Variants in MAP3K15 observed in about 807,000 individuals in gnomAD.
The protein encoded by MAP3K15 is MAPK/ERK kinase kinase 15.
Under a neutral mutation model 99.5 loss-of-function variants are expected in MAP3K15, and 124 were observed. That is an observed-to-expected ratio of 1.25 (90% CI 1.08 to 1.45). The LOEUF (loss-of-function observed/expected upper bound fraction) is 1.45. Ranked by LOEUF, MAP3K15 falls within the 40% of genes most tolerant of loss-of-function variation. The probability of loss-of-function intolerance (pLI) is 0.00; values close to 1 mark genes in which losing one functional copy is unlikely to be tolerated. For synonymous variants in MAP3K15, 494 were observed against 439.6 expected (o/e 1.12, Z -1.55); for missense variants, 1,242 against 1,079.7 (o/e 1.15, Z -2.11).
At chrX:19,369,702 G>A (rs1444821405) in intron 24 of MAP3K15, among the ~76,000 whole-genome samples, 5 of 111,315 alleles carry the variant, frequency 4.5e-5, no homozygotes, top group Non-Finnish European at 9.4e-5. Flanking sequence ...AGATCACAAG[G>A]TCAAGAGATC....
intron 3 of MAP3K15, among the ~76,000 whole-genome samples, chrX:19,480,361 C>T (rs1223979063): frequency 2.7e-5 from 3 of 110,883 alleles, no homozygotes; most frequent in South Asian, 3.8e-4. Context: ...TTAGAGGATT[C>T]GCACTTCCAA....
chrX:19,410,081 G>T, intron 11 of MAP3K15, 108 bp from the exon 12 acceptor site: 1 of 607,518 alleles, frequency 1.6e-6, no homozygotes, highest in Non-Finnish European at 2.7e-6. Flanking sequence ...CTGCAGTGGT[G>T]ATTTTTTTAC....
chrX:19,425,071 C>G (rs757265690), intron 9 of MAP3K15, among the ~76,000 whole-genome samples: 2 of 111,715 alleles, frequency 1.8e-5, no homozygotes, highest in Non-Finnish European at 3.8e-5. Flanking sequence ...ACTTCCACAT[C>G]TCCAAACATT....
intron 16 of MAP3K15, 112 bp downstream of exon 16, chrX:19,394,969 G>A (rs11798487): frequency 5.3e-5 from 47 of 895,233 alleles, no homozygotes; most frequent in Middle Eastern, 3.3e-4. Context: ...GACTACAGGC[G>A]CCCTACAGGC....
intron 20 of MAP3K15, 87 bp from the exon 21 acceptor site, chrX:19,373,782 T>TGAACCGCCCAGGC (rs1251591197): frequency 2.0e-6 from 2 of 1,011,265 alleles, no homozygotes; most frequent in African/African-American, 3.8e-5. Flanking sequence ...CAAGCCCAGG[T>TGAACCGCCCAGGC]GAACCGCCCA....
chrX:19,468,094 C>T (rs1476436126), intron 3 of MAP3K15, among the ~76,000 whole-genome samples: 1 of 111,884 alleles, frequency 8.9e-6, no homozygotes, highest in Non-Finnish European at 1.9e-5. Context: ...AGAACTGCAG[C>T]TCTTCACAAG....
intron 3 of MAP3K15, among the ~76,000 whole-genome samples, chrX:19,481,136 G>A (rs1289552134): frequency 5.6e-4 from 32 of 57,033 alleles, no homozygotes; most frequent in African/African-American, 1.9e-3. Flanking sequence ...AAAAAAAAAA[G>A]TTTTAAACCA....
Position 19,398,246 on chromosome X carries a change from T to A in MAP3K15, c.2046A>T (p.Glu682Asp), listed in dbSNP as rs761289293. The change falls in exon 15 of 29, where the codon GAA becomes GAT. Residue 682 changes from glutamate to aspartate, a missense_variant. By Grantham distance (45) the Glu-to-Asp change is conservative. Transcript: ENST00000338883. Reference sequence around the variant, plus strand: ...CTTGCCTGCTATCTCTCTCCGGGATTTCTTTGATGGCTATTCGCACTTGAT... The same window carrying A: ...CTTGCCTGCTATCTCTCTCCGGGATATCTTTGATGGCTATTCGCACTTGAT... ...LSNQVRIAIK[E>D]IPERDSRYSQ... 3 of 1,211,058 alleles carry A rather than the reference T, an allele frequency of 2.5e-6. No homozygotes were observed. Among genetic ancestry groups the A allele is most frequent in the Non-Finnish European group, 3.4e-6 (3 of 895,352 alleles).
At chrX:19,437,105 C>CA (rs1387412763) in intron 6 of MAP3K15, among the ~76,000 whole-genome samples, 3 of 112,056 alleles carry the variant, frequency 2.7e-5, no homozygotes, top group Non-Finnish European at 5.6e-5. Flanking sequence ...GTTCCTCTAA[C>CA]ACCATTTATT....
intron 3 of MAP3K15, among the ~76,000 whole-genome samples, chrX:19,472,121 G>A (rs1042458173): frequency 4.0e-4 from 44 of 109,927 alleles, no homozygotes; most frequent in African/African-American, 1.4e-3. Flanking sequence ...CTACTCCGGA[G>A]GCTGAGGGAG....
chrX:19,414,527 A>G (rs1281596446), intron 10 of MAP3K15, among the ~76,000 whole-genome samples: 4 of 112,454 alleles, frequency 3.6e-5, no homozygotes, highest in African/African-American at 1.3e-4. Flanking sequence ...CATGACTCTA[A>G]GACGGTCATA....
At chrX:19,438,590 A>C (rs1468890729) in intron 6 of MAP3K15, among the ~76,000 whole-genome samples, 1 of 111,793 alleles carries the variant, frequency 8.9e-6, no homozygotes, top group Non-Finnish European at 1.9e-5. Context: ...CATTGCCATG[A>C]GCTATGGGTG....
At chrX:19,371,932 A>T (rs1486063131) in intron 22 of MAP3K15, among the ~76,000 whole-genome samples, 3 of 110,957 alleles carry the variant, frequency 2.7e-5, no homozygotes, top group Non-Finnish European at 3.8e-5. Context: ...CAGGAGTTCA[A>T]GACCAGCCTG....
At chrX:19,509,019 C>T (rs1602360310) in intron 1 of MAP3K15, among the ~76,000 whole-genome samples, 1 of 112,134 alleles carries the variant, frequency 8.9e-6, no homozygotes, top group East Asian at 2.8e-4. Flanking sequence ...CTTGCTCTTG[C>T]TTACGTCCAA....
At chrX:19,411,155 G>A (rs2063684281) in intron 11 of MAP3K15, among the ~76,000 whole-genome samples, 1 of 108,883 alleles carries the variant, frequency 9.2e-6, no homozygotes, top group African/African-American at 3.4e-5. Context: ...CTGCACTCCA[G>A]CCTAGGTGAC....
At chrX:19,413,313 C>T (rs767735408) in intron 11 of MAP3K15, 44 bp downstream of exon 11, 1 of 1,024,091 alleles carries the variant, frequency 9.8e-7, no homozygotes, top group Admixed American at 2.3e-5. Context: ...CTAGACTCTC[C>T]TATTTGAAAA....
rs2147216330 is a variant in MAP3K15, at chrX:19,372,788, C to T, written c.2973G>A (p.Leu991=). 1.7e-6 allele frequency: 2 copies of T among 1,210,973 alleles called. No homozygotes were observed. Among genetic ancestry groups the T allele is most frequent in the East Asian group, 5.9e-5 (2 of 33,811 alleles). The change falls in exon 22 of 29, where the codon TTG becomes TTA. Residue 991 remains leucine, a synonymous_variant. Coordinates refer to ENST00000338883, the MANE Select transcript of MAP3K15 (RefSeq NM_001001671.4). ...GGTCCCTGTCCTCCGGGGACGAGGC[C>T]AAGCCCCGGTCTTCCAAGGCTGAGC... The part of the protein sequence containing the change: ...DESSALEDRG[L]ASSPEDRDQG...
chrX:19,363,479 G>A (rs1360142459), intron 25 of MAP3K15, among the ~76,000 whole-genome samples: 1 of 111,862 alleles, frequency 8.9e-6, no homozygotes, highest in Non-Finnish European at 1.9e-5. Context: ...AACGTATCGT[G>A]AACCAAAAGA....
chrX:19,370,190 A>G (rs1276113862), intron 24 of MAP3K15, among the ~76,000 whole-genome samples: 1 of 111,857 alleles, frequency 8.9e-6, no homozygotes, highest in Non-Finnish European at 1.9e-5. Context: ...AAGGAGAATC[A>G]ACTTTGGTAA....
Sources: allele counts gnomAD v4.1 joint callset (sites outside exome capture counted in the v4.1 genomes callset), GRCh38; gene constraint gnomAD v4.1.1; transcripts MANE v1.5; gene names NCBI Gene and HGNC (gene_info 2026-07-23, HGNC 2026-07-21).